The following FAM174A variants were observed in gnomAD, a reference collection of about 807,000 sequenced individuals.
FAM174A encodes family with sequence similarity 174 member A, also known as membrane protein FAM174A.
In FAM174A, 14 loss-of-function variants were observed where a neutral mutation model predicts 14.3. The observed-to-expected ratio is 0.98, with a 90% CI of 0.65 to 1.53. FAM174A has a LOEUF of 1.53. Ranked by LOEUF, FAM174A falls within the 40% of genes most tolerant of loss-of-function variation. FAM174A has a pLI of 0.00. For missense variants in FAM174A, 241 were observed against 249.6 expected (o/e 0.97, Z 0.23); for synonymous variants, 108 against 111.4 (o/e 0.97, Z 0.19).
intron 2 of FAM174A, among the ~76,000 whole-genome samples, chr5:100,572,299 G>A (rs1449663647): frequency 8.0e-6 from 1 of 124,946 alleles, no homozygotes; most frequent in African/African-American, 3.1e-5. Flanking sequence ...TGTGCACATT[G>A]TGCAGGTTAG....
intron 2 of FAM174A, among the ~76,000 whole-genome samples, chr5:100,575,922 T>A (rs1746895956): frequency 6.6e-6 from 1 of 152,198 alleles, no homozygotes; most frequent in Non-Finnish European, 1.5e-5. Context: ...TGTGAGATCA[T>A]CCCTTACTGG....
chr5:100,570,833 G>T (rs75325979), intron 2 of FAM174A, among the ~76,000 whole-genome samples: 583 of 151,998 alleles, frequency 3.8e-3, no homozygotes, highest in African/African-American at 0.013. Context: ...CAGTTTTTTT[G>T]ATATTGCTTG....
rs1207787668 is a variant in FAM174A, at chr5:100,544,632, A to G, written c.434+8668A>G. On this transcript the variant is annotated intron_variant, in intron 1 of 2. Coordinates refer to ENST00000312637, the MANE Select transcript of FAM174A (RefSeq NM_198507.3). ...AGTCATTTTAACTCATTTCAATTCC[A>G]TACTGGAGCCTCATGATATATGCTT... 2.6e-5 allele frequency among the ~76,000 whole-genome samples: 4 copies of G among 152,240 alleles called. No homozygotes were observed. In the East Asian group the frequency reaches 7.7e-4, roughly 29 times the overall value.
Position 100,562,192 on chromosome 5 carries a change from A to C in FAM174A, c.569+4A>C. On this transcript the variant is annotated splice_donor_region_variant and intron_variant, in intron 2 of 2. Transcript: ENST00000312637. ...TTGATGCCAATCATCCTCGAAGGTA[A>C]GTATTCCAGTAGTTTAATTCCATGA... 1 of 1,569,244 alleles carries C rather than the reference A, an allele frequency of 6.4e-7. No homozygotes were observed. The highest frequency in any genetic ancestry group is 8.6e-7 in the Non-Finnish European group (1 of 1,162,074).
intron 2 of FAM174A, among the ~76,000 whole-genome samples, chr5:100,575,734 A>G (rs1746890487): frequency 6.6e-6 from 1 of 152,230 alleles, no homozygotes; most frequent in African/African-American, 2.4e-5. Context: ...AACTACCATC[A>G]GAGTGAACAG....
At chr5:100,570,646 C>T (rs1292941011) in intron 2 of FAM174A, among the ~76,000 whole-genome samples, 1 of 151,886 alleles carries the variant, frequency 6.6e-6, no homozygotes, top group African/African-American at 2.4e-5. Context: ...TGTTCAGTTA[C>T]ATGACAAAGA....
At chr5:100,552,198 T>C (rs567401330) in intron 1 of FAM174A, among the ~76,000 whole-genome samples, 2 of 152,314 alleles carry the variant, frequency 1.3e-5, no homozygotes, top group African/African-American at 4.8e-5. Context: ...TATAGACAAC[T>C]ACAATTGTGG....
intron 2 of FAM174A, among the ~76,000 whole-genome samples, chr5:100,571,670 G>GTATA (rs1468665691): frequency 1.8e-4 from 17 of 96,962 alleles, no homozygotes; most frequent in African/African-American, 4.9e-4. Flanking sequence ...AAGTGTGTGT[G>GTATA]TGTATATATA....
chr5:100,577,555 TAAG>T (rs1746927038), intron 2 of FAM174A, among the ~76,000 whole-genome samples: 1 of 152,148 alleles, frequency 6.6e-6, no homozygotes, highest in Non-Finnish European at 1.5e-5. Context: ...AAATCCTCGT[TAAG>T]AATATCTTAT....
chr5:100,536,201 C>T (rs958978373), intron 1 of FAM174A, among the ~76,000 whole-genome samples: 1 of 152,170 alleles, frequency 6.6e-6, no homozygotes, highest in Non-Finnish European at 1.5e-5. Context: ...TTCATCTGAC[C>T]TACAACCCAC....
At chr5:100,572,622 G>A (rs1278743757) in intron 2 of FAM174A, among the ~76,000 whole-genome samples, 1 of 151,904 alleles carries the variant, frequency 6.6e-6, no homozygotes, top group Non-Finnish European at 1.5e-5. Flanking sequence ...TGGTGTAAAT[G>A]TGCCACATTT....
chr5:100,562,772 T>C (rs1746555219), intron 2 of FAM174A, among the ~76,000 whole-genome samples: 1 of 151,854 alleles, frequency 6.6e-6, no homozygotes, highest in African/African-American at 2.4e-5. Flanking sequence ...CATGTAGCTG[T>C]AATATATATA....
At chr5:100,574,893 T>A (rs1301150833) in intron 2 of FAM174A, among the ~76,000 whole-genome samples, 4 of 152,190 alleles carry the variant, frequency 2.6e-5, no homozygotes, top group Non-Finnish European at 5.9e-5. Flanking sequence ...ACACCCTTAC[T>A]GCAGGACGTA....
chr5:100,565,356 T>G (rs1746621008), intron 2 of FAM174A, among the ~76,000 whole-genome samples: 1 of 151,880 alleles, frequency 6.6e-6, no homozygotes, highest in Non-Finnish European at 1.5e-5. Context: ...CACAGCCAAG[T>G]AGATAATCAT....
At chr5:100,554,498 C>G (rs1241146769) in intron 1 of FAM174A, among the ~76,000 whole-genome samples, 2 of 151,294 alleles carry the variant, frequency 1.3e-5, no homozygotes, top group African/African-American at 4.9e-5. Flanking sequence ...TGTATTTTTA[C>G]TAGAGACAGG....
At chr5:100,537,765 A>C (rs746919834) in intron 1 of FAM174A, among the ~76,000 whole-genome samples, 8 of 152,208 alleles carry the variant, frequency 5.3e-5, no homozygotes, top group Non-Finnish European at 8.8e-5. Context: ...ACTGTTATTT[A>C]CTGCTGTCTG....
In FAM174A at chr5:100,535,523, C is replaced by T; in HGVS notation, c.-8C>T. ...GCTCCCGGGTGGTGAGAGAGCGGTC[C>T]GGGAACGATGAAGGCCTCGCAGTGC... is the stretch of plus-strand genomic sequence containing the variant. On this transcript the variant is annotated 5_prime_UTR_variant, in exon 1 of 3. Transcript: ENST00000312637. 6.2e-7 allele frequency: 1 copy of T among 1,611,798 alleles called. No homozygotes were observed. Among genetic ancestry groups the T allele is most frequent in the African/African-American group, 1.3e-5 (1 of 75,056 alleles).
intron 1 of FAM174A, among the ~76,000 whole-genome samples, chr5:100,554,301 T>C (rs1746318940): frequency 6.8e-6 from 1 of 146,942 alleles, no homozygotes; most frequent in South Asian, 2.1e-4. Flanking sequence ...CTTCCCTCTA[T>C]TTTTCTATCT....
At chr5:100,579,171 A>T (rs542767367) in intron 2 of FAM174A, among the ~76,000 whole-genome samples, 6 of 152,170 alleles carry the variant, frequency 3.9e-5, no homozygotes, top group African/African-American at 1.2e-4. Flanking sequence ...TCTTTATTTT[A>T]TATTATAATG....
Sources: allele counts gnomAD v4.1 joint callset (sites outside exome capture counted in the v4.1 genomes callset), GRCh38; gene constraint gnomAD v4.1.1; transcripts MANE v1.5; gene names NCBI Gene and HGNC (gene_info 2026-07-23, HGNC 2026-07-21).